The following CREB5 variants were observed in gnomAD, a reference collection of about 807,000 sequenced individuals.
CREB5 encodes the protein cAMP responsive element binding protein 5.
In CREB5, 19 loss-of-function variants were observed where a neutral mutation model predicts 57.1. That is an observed-to-expected ratio of 0.33 (90% CI 0.23 to 0.49). The LOEUF is 0.49. CREB5 is among the 20% of genes least tolerant of loss of function. The probability of loss-of-function intolerance (pLI) is 0.99; values close to 1 mark genes in which losing one functional copy is unlikely to be tolerated. For missense variants in CREB5, 579 were observed against 671.6 expected (o/e 0.86, Z 1.52); for synonymous variants, 238 against 238.3 (o/e 1.00, Z 0.01).
At chr7:28,676,509 G>A (rs971328898) in intron 5 of CREB5, among the ~76,000 whole-genome samples, 4 of 152,262 alleles carry the variant, frequency 2.6e-5, no homozygotes, top group South Asian at 2.1e-4. Context: ...TGGGTCACTC[G>A]TGTTTTTGGG....
intron 1 of CREB5, among the ~76,000 whole-genome samples, chr7:28,305,908 C>T (rs79467483): frequency 0.028 from 4,222 of 151,734 alleles, 162 homozygotes; most frequent in African/African-American, 0.095. Context: ...TTTGTCTATA[C>T]ACCAAAAATA....
intron 1 of CREB5, among the ~76,000 whole-genome samples, chr7:28,400,901 A>C (rs745658967): frequency 3.3e-5 from 5 of 152,202 alleles, no homozygotes; most frequent in Non-Finnish European, 7.3e-5. Context: ...GCTCAATATT[A>C]ATTTATGGGA....
At chr7:28,594,722 T>C (rs531534644) in intron 5 of CREB5, among the ~76,000 whole-genome samples, 1 of 152,308 alleles carries the variant, frequency 6.6e-6, no homozygotes, top group East Asian at 1.9e-4. Context: ...AAATCCATTT[T>C]CTCTCTAATG....
At chr7:28,413,653 T>C (rs138323984) in intron 1 of CREB5, among the ~76,000 whole-genome samples, 7 of 152,316 alleles carry the variant, frequency 4.6e-5, no homozygotes, top group South Asian at 2.1e-4. Context: ...CGTGACCTTA[T>C]ATAGTTGATA....
At chr7:28,410,524 A>AT (rs139617032), upstream of CREB5, 33 of 456,584 alleles carry the variant, frequency 7.2e-5, no homozygotes, top group East Asian at 2.2e-3. Flanking sequence ...CCATAGATTT[A>AT]TTTTTAAGGG....
chr7:28,568,370 T>C (rs1795562857), intron 4 of CREB5, among the ~76,000 whole-genome samples: 1 of 152,200 alleles, frequency 6.6e-6, no homozygotes, highest in East Asian at 1.9e-4. Flanking sequence ...AGATGAAAAA[T>C]GTTAAGTGTC....
At chr7:28,504,640 G>T (rs941915337) in intron 3 of CREB5, among the ~76,000 whole-genome samples, 11 of 151,934 alleles carry the variant, frequency 7.2e-5, no homozygotes, top group Non-Finnish European at 1.0e-4. Context: ...AGTTTTTTTT[G>T]TTGTTACTGC....
chr7:28,740,976 C>T (rs1169097809), intron 7 of CREB5, among the ~76,000 whole-genome samples: 2 of 149,214 alleles, frequency 1.3e-5, no homozygotes, highest in East Asian at 2.0e-4. Context: ...ACATTATGAA[C>T]GTATTACCTG....
chr7:28,712,239 A>T (rs756480663), intron 5 of CREB5, among the ~76,000 whole-genome samples: 11 of 152,052 alleles, frequency 7.2e-5, no homozygotes, highest in Non-Finnish European at 1.2e-4. Flanking sequence ...TTTCTTTATG[A>T]AAATAGACCT....
rs538310589 is a variant in CREB5, at chr7:28,698,419, G to A, written c.465-20334G>A. Among the ~76,000 whole-genome samples, 130 of 150,096 alleles carry A rather than the reference G, an allele frequency of 8.7e-4. 1 individual carries two copies. The highest frequency in any genetic ancestry group is 1.5e-3 in the Admixed American group (23 of 15,092). ...CTTCCTGATTAAAGTTTCGAGTCAG[G>A]CAATTACCAGAAAATAACCCCACGA... is the stretch of plus-strand genomic sequence containing the variant. On this transcript the variant is annotated intron_variant, in intron 5 of 10. Transcript: ENST00000357727.
At chr7:28,515,202 T>C (rs1792891723) in intron 4 of CREB5, among the ~76,000 whole-genome samples, 1 of 152,206 alleles carries the variant, frequency 6.6e-6, no homozygotes, top group Non-Finnish European at 1.5e-5. Context: ...CTAGTAATAG[T>C]TTTCTCCATT....
At chr7:28,758,772 CA>C (rs1318322520) in intron 7 of CREB5, among the ~76,000 whole-genome samples, 2 of 152,190 alleles carry the variant, frequency 1.3e-5, no homozygotes, top group Non-Finnish European at 2.9e-5. Context: ...AAGTCGAGCA[CA>C]AAGTCCCATG....
chr7:28,372,881 G>T (rs1276972907), intron 1 of CREB5, among the ~76,000 whole-genome samples: 1 of 152,190 alleles, frequency 6.6e-6, no homozygotes, highest in Non-Finnish European at 1.5e-5. Context: ...ATATAGAGCT[G>T]CCTAGCAGAA....
intron 5 of CREB5, among the ~76,000 whole-genome samples, chr7:28,669,491 G>A (rs1799948253): frequency 6.6e-6 from 1 of 152,212 alleles, no homozygotes; most frequent in Non-Finnish European, 1.5e-5. Flanking sequence ...CTCAGTTCTG[G>A]TAAATGTACC....
chr7:28,728,652 G>A (rs768085103), intron 7 of CREB5, among the ~76,000 whole-genome samples: 1 of 152,084 alleles, frequency 6.6e-6, no homozygotes, highest in African/African-American at 2.4e-5. Flanking sequence ...TGTCTCTCTC[G>A]ATTGATTGAA....
intron 4 of CREB5, among the ~76,000 whole-genome samples, chr7:28,540,096 G>T (rs28664992): frequency 0.09 from 13,664 of 152,060 alleles, 687 homozygotes; most frequent in African/African-American, 0.12. Context: ...TTTATAAAGG[G>T]CATTTCCAAA....
intron 2 of CREB5, among the ~76,000 whole-genome samples, chr7:28,494,385 A>T (rs942468842): frequency 6.6e-6 from 1 of 152,142 alleles, no homozygotes. Context: ...TTTTTTGTAT[A>T]TATATGTTAT....
Position 28,488,157 on chromosome 7 carries a change from T to C in CREB5, c.4-18T>C. 1.2e-6 allele frequency: 2 copies of C among 1,612,398 alleles called. No individual in the cohort carries two copies. The highest frequency in any genetic ancestry group is 1.7e-6 in the Non-Finnish European group (2 of 1,178,726). On this transcript the variant is annotated intron_variant, in intron 1 of 10. Transcript: ENST00000357727. ...ATGGATTTCTTTTTCCTTCCTCCCT[T>C]TCCCTCTGATCCTTCAGATTTATGA...
At chr7:28,686,804 G>A (rs1583547840) in intron 5 of CREB5, among the ~76,000 whole-genome samples, 1 of 152,116 alleles carries the variant, frequency 6.6e-6, no homozygotes, top group South Asian at 2.1e-4. Flanking sequence ...ATTCACAGAC[G>A]CTCCTTTTTT....
Sources: allele counts gnomAD v4.1 joint callset (sites outside exome capture counted in the v4.1 genomes callset), GRCh38; gene constraint gnomAD v4.1.1; transcripts MANE v1.5; gene names NCBI Gene and HGNC (gene_info 2026-07-23, HGNC 2026-07-21).